Variants in HECW1 observed in about 807,000 individuals in gnomAD.
HECW1 encodes the protein E3 ubiquitin-protein ligase HECW1.
HECW1 carries 61 observed loss-of-function variants against 182.3 expected under a neutral mutation model. That is an observed-to-expected ratio of 0.33 (90% confidence interval 0.27 to 0.41). The LOEUF is 0.41. HECW1 is among the 10% of genes least tolerant of loss of function. The pLI, the probability that HECW1 is intolerant of heterozygous loss-of-function variation, is 1.00. For missense variants in HECW1, 1,739 were observed against 2,108.9 expected (o/e 0.82, Z 3.44); for synonymous variants, 859 against 832.6 (o/e 1.03, Z -0.55).
intron 26 of HECW1, among the ~76,000 whole-genome samples, chr7:43,548,945 A>C (rs1451602042): frequency 6.6e-6 from 1 of 152,186 alleles, no homozygotes; most frequent in Non-Finnish European, 1.5e-5. Flanking sequence ...CCCTGTCTCA[A>C]AACAAAAACA....
chr7:43,298,752 G>GA (rs1289528692), intron 3 of HECW1, among the ~76,000 whole-genome samples: 1 of 152,170 alleles, frequency 6.6e-6, no homozygotes, highest in African/African-American at 2.4e-5. Flanking sequence ...GAAGCAGTGT[G>GA]AATGGCAAGT....
intron 12 of HECW1, among the ~76,000 whole-genome samples, 166 bp downstream of exon 12, chr7:43,451,095 GT>G (rs2077221137): frequency 6.6e-6 from 1 of 152,132 alleles, no homozygotes; most frequent in Non-Finnish European, 1.5e-5. Flanking sequence ...TTTTTTGGGG[GT>G]TTTTAGTTTG....
intron 2 of HECW1, among the ~76,000 whole-genome samples, chr7:43,184,290 G>A (rs1163900854): frequency 2.0e-5 from 3 of 152,196 alleles, no homozygotes; most frequent in African/African-American, 7.2e-5. Flanking sequence ...TGGGATTACA[G>A]GCGTGAGCCA....
At chr7:43,304,459 GTTATTTATTTATTTATTTAT>G (rs61241516) in intron 3 of HECW1, among the ~76,000 whole-genome samples, 8 of 141,362 alleles carry the variant, frequency 5.7e-5, no homozygotes, top group East Asian at 4.1e-4. Context: ...ATTCAACACA[GTTATTTATTTATTTATTTAT>G]TTATTTATTT....
chr7:43,184,019 T>C (rs1457622326), intron 2 of HECW1, among the ~76,000 whole-genome samples: 3 of 149,676 alleles, frequency 2.0e-5, no homozygotes, highest in Non-Finnish European at 4.5e-5. Flanking sequence ...TTATTATTAT[T>C]ATTTTTTTTT....
chr7:43,212,072 A>T (rs1796050919), intron 2 of HECW1, among the ~76,000 whole-genome samples: 1 of 152,228 alleles, frequency 6.6e-6, no homozygotes, highest in Non-Finnish European at 1.5e-5. Flanking sequence ...CAATGTAAGC[A>T]TTTCTTTACA....
At chr7:43,164,067 G>A (rs765115255) in intron 2 of HECW1, among the ~76,000 whole-genome samples, 1 of 152,160 alleles carries the variant, frequency 6.6e-6, no homozygotes, top group Non-Finnish European at 1.5e-5. Flanking sequence ...AGAGCGGTTG[G>A]AGGCCCAGGC....
chr7:43,436,639 C>T (rs1233516245), intron 8 of HECW1, among the ~76,000 whole-genome samples: 3 of 152,164 alleles, frequency 2.0e-5, no homozygotes, highest in African/African-American at 4.8e-5. Flanking sequence ...TCAGTTAAGG[C>T]AGGAACAGGC....
chr7:43,547,504 G>A (rs191828848), intron 26 of HECW1, among the ~76,000 whole-genome samples: 13 of 151,648 alleles, frequency 8.6e-5, no homozygotes, highest in Admixed American at 2.6e-4. Context: ...CCAGGATTGC[G>A]CCACTGCACT....
chr7:43,346,280 C>T (rs539842578), intron 5 of HECW1, among the ~76,000 whole-genome samples: 6 of 152,066 alleles, frequency 3.9e-5, no homozygotes, highest in African/African-American at 1.2e-4. Flanking sequence ...GTTTGTTGGC[C>T]ATTTGTATAT....
chr7:43,420,724 A>G (rs2076155177), intron 8 of HECW1, among the ~76,000 whole-genome samples: 1 of 152,250 alleles, frequency 6.6e-6, no homozygotes, highest in Non-Finnish European at 1.5e-5. Context: ...ATCAAAAACC[A>G]AGGAATAAAT....
Position 43,360,836 on chromosome 7 carries a change from T to C in HECW1, c.461-50T>C, listed in dbSNP as rs1196781341. On this transcript the variant is annotated intron_variant, in intron 5 of 29. Coordinates refer to ENST00000395891, the MANE Select transcript of HECW1 (RefSeq NM_015052.5). ...TGTCCTCTGTGGCCATAGCTGTCTC[T>C]CCCTGGGTTACACCCTACTTCTCAG... 4 of 1,376,902 alleles carry C rather than the reference T, an allele frequency of 2.9e-6. No homozygotes were observed. In the South Asian group the frequency reaches 4.6e-5, roughly 16 times the overall value. The allele number at this position is 1,376,902 out of a possible 1,614,324, so 85.3% of individuals were successfully genotyped here.
intron 3 of HECW1, among the ~76,000 whole-genome samples, chr7:43,272,578 C>T (rs1327116709): frequency 3.3e-5 from 5 of 152,134 alleles, no homozygotes; most frequent in Admixed American, 2.6e-4. Flanking sequence ...AAGAAATGCT[C>T]CGTGTCACTA....
chr7:43,269,374 C>T (rs1196291268), intron 3 of HECW1, among the ~76,000 whole-genome samples: 2 of 152,222 alleles, frequency 1.3e-5, no homozygotes, highest in African/African-American at 4.8e-5. Context: ...CCCTGACACA[C>T]ACTTCACTGG....
chr7:43,532,843 A>G (rs1246713823), intron 24 of HECW1, among the ~76,000 whole-genome samples: 1 of 152,238 alleles, frequency 6.6e-6, no homozygotes, highest in Non-Finnish European at 1.5e-5. Flanking sequence ...ACACTTACAG[A>G]TTCAGAGAAT....
At chr7:43,390,552 A>AC (rs1264783220) in intron 6 of HECW1, among the ~76,000 whole-genome samples, 1 of 151,642 alleles carries the variant, frequency 6.6e-6, no homozygotes, top group Non-Finnish European at 1.5e-5. Context: ...AAAAAAACAA[A>AC]AAAAAAACAG....
chr7:43,233,474 A>G (rs1325607874), intron 2 of HECW1, among the ~76,000 whole-genome samples: 2 of 152,202 alleles, frequency 1.3e-5, no homozygotes, highest in Non-Finnish European at 2.9e-5. Context: ...TCCAGTGGAA[A>G]AATATGTAAT....
chr7:43,442,421 G>C (rs2152875967), intron 9 of HECW1, 108 bp from the exon 10 acceptor site: 1 of 720,554 alleles, frequency 1.4e-6, no homozygotes, highest in Middle Eastern at 3.0e-4. Context: ...AGCACATCAG[G>C]ACTTCCCTGG....
At chr7:43,134,760 C>T (rs2159199) in intron 2 of HECW1, among the ~76,000 whole-genome samples, 88,326 of 151,812 alleles carry the variant, frequency 0.58, 26,598 homozygotes, top group African/African-American at 0.74. Flanking sequence ...GTTTTGTCTG[C>T]GACTATCATT....
Sources: gnomAD v4.1 joint callset for allele counts (sites outside exome capture counted in the v4.1 genomes callset) on GRCh38, gnomAD v4.1.1 for gene constraint, MANE v1.5 for transcripts, NCBI Gene and HGNC (gene_info 2026-07-23, HGNC 2026-07-21) for gene names.